DIAPH3: variants seen among roughly 807,000 people sequenced by gnomAD.
DIAPH3 encodes protein diaphanous homolog 3.
DIAPH3 carries 117 observed loss-of-function variants against 144.3 expected under a neutral mutation model. The ratio of observed to expected loss-of-function variants is 0.81; its 90% confidence interval spans 0.70 to 0.95. DIAPH3 has a LOEUF of 0.95. Among genes scored for constraint, DIAPH3 ranks in the 40% least tolerant of loss-of-function variants. The pLI is 0.00. For missense variants in DIAPH3, 1,421 were observed against 1,412.7 expected (o/e 1.01, Z -0.09); for synonymous variants, 519 against 488.9 (o/e 1.06, Z -0.81).
At chr13:60,019,547 T>A (rs1312485291) in intron 5 of DIAPH3, among the ~76,000 whole-genome samples, 2 of 151,470 alleles carry the variant, frequency 1.3e-5, no homozygotes, top group Non-Finnish European at 2.9e-5. Context: ...CAGCATTTCC[T>A]AGTAGGGGTC....
At chr13:59,724,428 T>C (rs1209513445) in intron 27 of DIAPH3, among the ~76,000 whole-genome samples, 1 of 152,100 alleles carries the variant, frequency 6.6e-6, no homozygotes, top group African/African-American at 2.4e-5. Flanking sequence ...TTATAAATAA[T>C]GGGGAATAAA....
chr13:59,922,359 C>T (rs1341752858), intron 18 of DIAPH3, among the ~76,000 whole-genome samples: 2 of 152,030 alleles, frequency 1.3e-5, no homozygotes, highest in Non-Finnish European at 2.9e-5. Context: ...CCTTTATGAA[C>T]TCAAAAATAT....
intron 22 of DIAPH3, among the ~76,000 whole-genome samples, chr13:59,855,440 T>C (rs2043202170): frequency 6.6e-6 from 1 of 152,006 alleles, no homozygotes; most frequent in Admixed American, 6.5e-5. Flanking sequence ...TAAAAATAAA[T>C]TTAACTTTTA....
chr13:60,095,375 T>G (rs923062516), intron 3 of DIAPH3, among the ~76,000 whole-genome samples: 5 of 152,192 alleles, frequency 3.3e-5, no homozygotes, highest in South Asian at 2.1e-4. Flanking sequence ...ATGTATGGGC[T>G]CTTGGCAATT....
At chr13:59,887,443 A>G (rs908037197) in intron 20 of DIAPH3, among the ~76,000 whole-genome samples, 1 of 151,970 alleles carries the variant, frequency 6.6e-6, no homozygotes, top group Non-Finnish European at 1.5e-5. Context: ...CTTCATTTTC[A>G]TTTGGCTCAA....
chr13:59,812,724 G>C (rs2040551113), intron 24 of DIAPH3, among the ~76,000 whole-genome samples: 1 of 152,106 alleles, frequency 6.6e-6, no homozygotes, highest in Admixed American at 6.5e-5. Flanking sequence ...CAGTATAAAG[G>C]TATAAGATGA....
At chr13:59,987,382 G>A (rs367567516) in intron 12 of DIAPH3, among the ~76,000 whole-genome samples, 1 of 149,892 alleles carries the variant, frequency 6.7e-6, no homozygotes, top group African/African-American at 2.5e-5. Context: ...GCTAGATGAC[G>A]AGTTAGTGGG....
chr13:59,953,999 C>G (rs746130846), intron 17 of DIAPH3, among the ~76,000 whole-genome samples: 3 of 152,176 alleles, frequency 2.0e-5, no homozygotes, highest in Admixed American at 6.5e-5. Context: ...GGAGATGTAA[C>G]TGTGCTGTAT....
At chr13:59,772,289 T>C (rs1328550606) in intron 27 of DIAPH3, among the ~76,000 whole-genome samples, 2 of 152,058 alleles carry the variant, frequency 1.3e-5, no homozygotes, top group Non-Finnish European at 2.9e-5. Context: ...ACACAATTCT[T>C]AAGATAAATT....
intron 17 of DIAPH3, among the ~76,000 whole-genome samples, chr13:59,937,176 CATA>C (rs2048309453): frequency 6.7e-6 from 1 of 150,186 alleles, no homozygotes; most frequent in Admixed American, 6.6e-5. Context: ...AAAAAAAAAA[CATA>C]ATAATAATAA....
chr13:59,922,799 G>GAT (rs1159989409), intron 18 of DIAPH3, among the ~76,000 whole-genome samples: 1 of 151,946 alleles, frequency 6.6e-6, no homozygotes, highest in African/African-American at 2.4e-5. Context: ...AAATGAATAG[G>GAT]ATATATATAC....
intron 25 of DIAPH3, among the ~76,000 whole-genome samples, chr13:59,778,107 A>G (rs1394155362): frequency 6.6e-6 from 1 of 152,172 alleles, no homozygotes; most frequent in African/African-American, 2.4e-5. Context: ...TCTCATGTTT[A>G]TTACTTCATG....
At chr13:59,803,443 TATA>T (rs1197380331) in intron 25 of DIAPH3, among the ~76,000 whole-genome samples, 3 of 152,160 alleles carry the variant, frequency 2.0e-5, no homozygotes, top group Admixed American at 6.5e-5. Flanking sequence ...AATACCATAT[TATA>T]ATAATATGAA....
At chr13:59,682,629 CTCTATATAAAATACTGCATT>C (rs1266649805) in intron 27 of DIAPH3, among the ~76,000 whole-genome samples, 8 of 152,316 alleles carry the variant, frequency 5.3e-5, no homozygotes, top group Non-Finnish European at 1.0e-4. Flanking sequence ...ATGCAGAAAA[CTCTATATAAAATACTGCATT>C]AAACTCTATA....
At chr13:60,123,242 A>C (rs1331876462) in intron 2 of DIAPH3, among the ~76,000 whole-genome samples, 1 of 152,164 alleles carries the variant, frequency 6.6e-6, no homozygotes, top group East Asian at 1.9e-4. Context: ...CCCCTATCAT[A>C]TCACACTAAA....
rs114521431 is a variant in DIAPH3, at chr13:59,918,578, G to A, written c.2171-2329C>T. Among the ~76,000 whole-genome samples, 534 of 152,174 alleles carry A rather than the reference G, an allele frequency of 3.5e-3. 3 individuals carry two copies. Among genetic ancestry groups the A allele is most frequent in the African/African-American group, 0.012 (509 of 41,500 alleles). On this transcript the variant is annotated intron_variant, in intron 18 of 27. Transcript: ENST00000400324. ...TAAGCCTGATGCAGGGCCAGCTGTGGGAGCCAAAAATTTCCAGCCTGGGCT... is the reference window on the plus strand; with the variant it reads ...TAAGCCTGATGCAGGGCCAGCTGTGAGAGCCAAAAATTTCCAGCCTGGGCT...
intron 1 of DIAPH3, among the ~76,000 whole-genome samples, chr13:60,160,918 A>G (rs941502020): frequency 7.2e-5 from 11 of 152,304 alleles, no homozygotes; most frequent in African/African-American, 2.6e-4. Flanking sequence ...CTTTTACCCA[A>G]CTCACAAGTG....
chr13:60,073,281 C>A (rs925622623), intron 4 of DIAPH3, among the ~76,000 whole-genome samples: 2 of 151,630 alleles, frequency 1.3e-5, no homozygotes, highest in African/African-American at 4.8e-5. Context: ...TGCACTCCAG[C>A]CTGGGCAACA....
chr13:60,058,141 C>T (rs1458886905), intron 4 of DIAPH3, among the ~76,000 whole-genome samples: 1 of 151,530 alleles, frequency 6.6e-6, no homozygotes, highest in Non-Finnish European at 1.5e-5. Context: ...AATTATGCAT[C>T]TGACAAAGAA....
Sources: allele counts gnomAD v4.1 joint callset (sites outside exome capture counted in the v4.1 genomes callset), GRCh38; gene constraint gnomAD v4.1.1; transcripts MANE v1.5; gene names NCBI Gene and HGNC (gene_info 2026-07-23, HGNC 2026-07-21).